Variants in LINGO2 observed in about 807,000 individuals in gnomAD.
The protein encoded by LINGO2 is leucine-rich repeat and immunoglobulin-like domain-containing nogo receptor-interacting protein 2.
A neutral mutation model predicts 30.6 loss-of-function variants in LINGO2; 14 were observed. That is an observed-to-expected ratio of 0.46 (90% CI 0.30 to 0.72). The LOEUF (loss-of-function observed/expected upper bound fraction) is 0.72. Among genes scored for constraint, LINGO2 ranks in the 30% least tolerant of loss-of-function variants. The pLI is 0.07. For synonymous variants in LINGO2, 317 were observed against 288.5 expected (o/e 1.10, Z -1.00); for missense variants, 729 against 751.7 (o/e 0.97, Z 0.35).
At chr9:29,173,207 C>A in the LINGO2 span, among the ~76,000 whole-genome samples, 4 of 151,928 alleles carry the variant, frequency 2.6e-5, no homozygotes, top group Non-Finnish European at 4.4e-5. Context: ...AATAGAGTGT[C>A]CTGACTACTA....
chr9:28,977,697 C>T, the LINGO2 span, among the ~76,000 whole-genome samples: 8 of 152,164 alleles, frequency 5.3e-5, no homozygotes, highest in Admixed American at 2.6e-4. Context: ...TGTAAGATCC[C>T]GTTTTTCCCC....
chr9:28,825,717 T>G, the LINGO2 span, among the ~76,000 whole-genome samples: 1 of 152,154 alleles, frequency 6.6e-6, no homozygotes, highest in African/African-American at 2.4e-5. Context: ...CTATCTACTT[T>G]ACTTATAGCC....
intron 2 of LINGO2, among the ~76,000 whole-genome samples, chr9:28,448,371 A>G (rs1339661091): frequency 2.0e-5 from 3 of 152,172 alleles, no homozygotes; most frequent in African/African-American, 7.2e-5. Context: ...TTTAGATTTT[A>G]TTAATAGGCC....
intron 4 of LINGO2, among the ~76,000 whole-genome samples, chr9:28,215,138 C>T (rs13294601): frequency 6.6e-6 from 1 of 151,560 alleles, no homozygotes; most frequent in African/African-American, 2.4e-5. Flanking sequence ...AGGGCCAGGA[C>T]GCTACCTGAT....
rs924368967 is a variant in LINGO2, at chr9:28,130,148, T to C, written c.-86-117743A>G. Among the ~76,000 whole-genome samples, 14 of 152,248 alleles carry C rather than the reference T, an allele frequency of 9.2e-5. No homozygotes were observed. Among genetic ancestry groups the C allele is most frequent in the African/African-American group, 3.4e-4 (14 of 41,480 alleles). On this transcript the variant is annotated intron_variant, in intron 4 of 5. Coordinates refer to ENST00000379992, the Ensembl canonical transcript of LINGO2. This position sits in a 1 kb window ranked among gnomAD's most constrained non-coding sequence, Gnocchi z 5.2. ...TCCCATGTGGAACAGAGGACTTTTC[T>C]AGATTTAGAGTTGTGCCTTCATTTT...
In LINGO2 at chr9:28,609,762, T is replaced by G. The variant is rs560962700; in HGVS notation, c.-365+60438A>C. Among the ~76,000 whole-genome samples, 182 of 152,222 alleles carry G rather than the reference T, an allele frequency of 1.2e-3. 1 individual carries two copies. Among genetic ancestry groups the G allele is most frequent in the Middle Eastern group, 0.01 (3 of 294 alleles). On this transcript the variant is annotated intron_variant, in intron 1 of 5. Transcript: ENST00000379992. ...CAACCAATTATTTGTCATAGATAGT[T>G]ATCTTAAAATTTTTGCACATATGAG...
the LINGO2 span, among the ~76,000 whole-genome samples, chr9:28,943,286 C>A: frequency 6.6e-6 from 1 of 151,874 alleles, no homozygotes; most frequent in Non-Finnish European, 1.5e-5. Context: ...CATAAGACAT[C>A]AAGACATTCT....
chr9:28,771,010 T>C, the LINGO2 span, among the ~76,000 whole-genome samples: 10 of 152,204 alleles, frequency 6.6e-5, no homozygotes, highest in African/African-American at 2.2e-4. Context: ...ATTAGCCAAG[T>C]GCTCAAGGCC....
chr9:29,007,991 T>C, the LINGO2 span, among the ~76,000 whole-genome samples: 7 of 152,180 alleles, frequency 4.6e-5, no homozygotes, highest in Non-Finnish European at 1.0e-4. Flanking sequence ...GTTTGTTACA[T>C]ATGTATACAT....
At chr9:28,658,816 T>G (rs1828467367) in intron 1 of LINGO2, among the ~76,000 whole-genome samples, 1 of 152,092 alleles carries the variant, frequency 6.6e-6, no homozygotes, top group African/African-American at 2.4e-5. Context: ...AACAGTATCA[T>G]ATCAATGTTA....
At chr9:28,402,943 T>G (rs1234908479) in intron 2 of LINGO2, among the ~76,000 whole-genome samples, 2 of 152,162 alleles carry the variant, frequency 1.3e-5, no homozygotes, top group African/African-American at 4.8e-5. Context: ...TCTCTACCAC[T>G]TAACAGTTGT....
At chr9:28,519,242 C>T (rs1820740070) in intron 1 of LINGO2, among the ~76,000 whole-genome samples, 1 of 151,782 alleles carries the variant, frequency 6.6e-6, no homozygotes, top group African/African-American at 2.4e-5. Context: ...CATCATGTTG[C>T]CCAGGTTGGT....
At chr9:28,205,266 C>A (rs897167727) in intron 4 of LINGO2, among the ~76,000 whole-genome samples, 6 of 152,254 alleles carry the variant, frequency 3.9e-5, no homozygotes, top group African/African-American at 1.4e-4. Flanking sequence ...AGTTCCTCAC[C>A]TGAATGTTTT....
the LINGO2 span, among the ~76,000 whole-genome samples, chr9:29,107,165 G>A: frequency 1.3e-5 from 2 of 151,960 alleles, no homozygotes; most frequent in African/African-American, 4.8e-5. Flanking sequence ...GATCTCTGAG[G>A]AAGAAAAAAT....
intron 4 of LINGO2, among the ~76,000 whole-genome samples, chr9:28,126,982 T>C (rs1827253865): frequency 6.6e-6 from 1 of 152,202 alleles, no homozygotes; most frequent in Admixed American, 6.5e-5. Context: ...TTAGACACAT[T>C]ACATGCACCA....
At chr9:28,234,459 G>T (rs1431119579) in intron 4 of LINGO2, among the ~76,000 whole-genome samples, 2 of 152,232 alleles carry the variant, frequency 1.3e-5, no homozygotes, top group East Asian at 3.8e-4. Flanking sequence ...GTCTGAGACA[G>T]TGTTGCCAAA....
the LINGO2 span, among the ~76,000 whole-genome samples, chr9:28,804,569 A>ACAAAAACAAAAACAAAAAC: frequency 6.8e-6 from 1 of 147,188 alleles, no homozygotes; most frequent in East Asian, 2.0e-4. Context: ...AAAAACAAAA[A>ACAAAAACAAAAACAAAAAC]AAAAACAGAT....
In LINGO2 at chr9:28,304,584, G is replaced by T. The variant is rs1419413319; in HGVS notation, c.-245-9218C>A. On this transcript the variant is annotated intron_variant, in intron 3 of 5. Transcript: ENST00000379992. ...CCTCTCACAGGCAATTAGTATTCTG[G>T]TTTTAAAAGATTTGTTTCACCTGTT... Among the ~76,000 whole-genome samples, 3 of 151,898 alleles carry T rather than the reference G, an allele frequency of 2.0e-5. No homozygotes were observed. The East Asian group carries it at 5.8e-4, about 29-fold the overall frequency.
intron 4 of LINGO2, among the ~76,000 whole-genome samples, chr9:28,072,647 T>G (rs192269323): frequency 5.3e-5 from 8 of 152,296 alleles, no homozygotes. Flanking sequence ...GCAGAAATTC[T>G]CCCTCTGATT....
Sources: gnomAD v4.1 joint callset for allele counts (sites outside exome capture counted in the v4.1 genomes callset) on GRCh38, gnomAD v4.1.1 for gene constraint, Gnocchi (gnomAD v3.1) non-coding constraint, MANE v1.5 for transcripts, NCBI Gene and HGNC (gene_info 2026-07-23, HGNC 2026-07-21) for gene names.